The following OPCML variants were observed in gnomAD, a reference collection of about 807,000 sequenced individuals.
OPCML encodes the protein opioid binding protein/cell adhesion molecule like, also known as opioid-binding protein/cell adhesion molecule.
OPCML carries 13 observed loss-of-function variants against 37.8 expected under a neutral mutation model. The observed-to-expected ratio is 0.34, with a 90% CI of 0.22 to 0.55. OPCML has a LOEUF of 0.55. Among genes scored for constraint, OPCML ranks in the 20% least tolerant of loss-of-function variants. OPCML has a pLI of 0.91. For missense variants in OPCML, 341 were observed against 435.6 expected (o/e 0.78, Z 1.93); for synonymous variants, 176 against 168.8 (o/e 1.04, Z -0.33).
intron 1 of OPCML, among the ~76,000 whole-genome samples, chr11:133,485,212 C>T (rs1947501248): frequency 6.6e-6 from 1 of 152,064 alleles, no homozygotes; most frequent in Non-Finnish European, 1.5e-5. Context: ...AAGAAATATA[C>T]AAAAAGCAAT....
In OPCML at chr11:133,336,781, T is replaced by C. The variant is rs1943753722; in HGVS notation, c.61+195483A>G. 2.6e-5 allele frequency among the ~76,000 whole-genome samples: 4 copies of C among 152,326 alleles called. No individual in the cohort carries two copies. The South Asian group carries it at 6.2e-4, about 24-fold the overall frequency. ...TTTCCTTACTTCCTTACACCCCCAT[T>C]TGTTATGAAAAGAATGAGGACTTCT... On this transcript the variant is annotated intron_variant, in intron 1 of 7. Transcript: ENST00000524381.
At chr11:132,759,789 C>A (rs180909828) in intron 2 of OPCML, among the ~76,000 whole-genome samples, 68 of 152,184 alleles carry the variant, frequency 4.5e-4, no homozygotes, top group African/African-American at 1.4e-3. Flanking sequence ...TTTCGTGTCT[C>A]TATTTTCTTC....
At chr11:133,378,551 C>T (rs1198141797) in intron 1 of OPCML, among the ~76,000 whole-genome samples, 1 of 152,202 alleles carries the variant, frequency 6.6e-6, no homozygotes, top group East Asian at 1.9e-4. Context: ...TTTATTTTTA[C>T]TTCTACTGAC....
At chr11:133,111,212 C>T (rs114400576) in intron 1 of OPCML, among the ~76,000 whole-genome samples, 1 of 152,090 alleles carries the variant, frequency 6.6e-6, no homozygotes, top group Middle Eastern at 3.2e-3. Flanking sequence ...GTGCTATGAC[C>T]CCAGCAGAAT....
chr11:132,450,609 G>A (rs768707851), intron 4 of OPCML, among the ~76,000 whole-genome samples: 9 of 151,370 alleles, frequency 5.9e-5, no homozygotes, highest in African/African-American at 9.7e-5. Context: ...ATAGAATATC[G>A]TATCCTGAGA....
intron 2 of OPCML, among the ~76,000 whole-genome samples, chr11:132,934,640 T>C (rs1248497542): frequency 6.6e-6 from 1 of 152,216 alleles, no homozygotes; most frequent in Non-Finnish European, 1.5e-5. Flanking sequence ...GCTGTTTTTC[T>C]CACAGGTACA....
chr11:133,404,082 C>A (rs1945472301), intron 1 of OPCML, among the ~76,000 whole-genome samples: 1 of 152,204 alleles, frequency 6.6e-6, no homozygotes. Flanking sequence ...TGCTCTGCGG[C>A]TCTGCTCTGT....
chr11:132,881,310 A>C (rs1214890732), intron 2 of OPCML, among the ~76,000 whole-genome samples: 2 of 152,214 alleles, frequency 1.3e-5, no homozygotes, highest in African/African-American at 2.4e-5. Flanking sequence ...CCAGATACTT[A>C]TTGGAGCGCC....
At chr11:132,599,420 A>T (rs1000018767) in intron 3 of OPCML, among the ~76,000 whole-genome samples, 1 of 91,838 alleles carries the variant, frequency 1.1e-5, no homozygotes, top group Non-Finnish European at 2.4e-5. Flanking sequence ...AGGAAGAAGG[A>T]GGAAGAAGGT....
chr11:133,509,673 T>C (rs564642441), intron 1 of OPCML, among the ~76,000 whole-genome samples: 1 of 152,312 alleles, frequency 6.6e-6, no homozygotes, highest in Admixed American at 6.5e-5. Context: ...AAACACTAAG[T>C]TCCAGAGAGG....
chr11:132,540,069 A>C (rs947854507), intron 3 of OPCML, among the ~76,000 whole-genome samples: 5 of 152,202 alleles, frequency 3.3e-5, no homozygotes, highest in Non-Finnish European at 5.9e-5. Flanking sequence ...TGAGCAAGTG[A>C]AAATGAAACT....
At chr11:133,087,277 T>C (rs1785532901) in intron 1 of OPCML, among the ~76,000 whole-genome samples, 1 of 152,240 alleles carries the variant, frequency 6.6e-6, no homozygotes, top group Non-Finnish European at 1.5e-5. Context: ...AAGCATTTTC[T>C]TTCATTGTAT....
At chr11:133,135,574 T>C (rs1003669788) in intron 1 of OPCML, among the ~76,000 whole-genome samples, 1 of 151,926 alleles carries the variant, frequency 6.6e-6, no homozygotes, top group African/African-American at 2.4e-5. Flanking sequence ...CGACCAACAA[T>C]CTCCCATAGA....
intron 2 of OPCML, among the ~76,000 whole-genome samples, chr11:132,742,002 C>T (rs1188046750): frequency 6.6e-6 from 1 of 151,096 alleles, no homozygotes; most frequent in Non-Finnish European, 1.5e-5. Flanking sequence ...GTACTCCAGC[C>T]TGGGCAACAA....
chr11:133,051,101 G>T (rs528029777), intron 1 of OPCML, among the ~76,000 whole-genome samples: 1 of 150,930 alleles, frequency 6.6e-6, no homozygotes, highest in South Asian at 2.1e-4. Context: ...CAAAGCTTAT[G>T]CCCTCTGAAT....
chr11:133,328,165 T>A (rs976079483), intron 1 of OPCML, among the ~76,000 whole-genome samples: 1 of 151,316 alleles, frequency 6.6e-6, no homozygotes. Context: ...TAATTTTTTT[T>A]TTTTTTTTTT....
At chr11:132,519,681 C>T (rs1023063800) in intron 4 of OPCML, among the ~76,000 whole-genome samples, 1 of 152,108 alleles carries the variant, frequency 6.6e-6, no homozygotes, top group Non-Finnish European at 1.5e-5. Context: ...CATAAATTTG[C>T]TTTGCAAAAA....
intron 2 of OPCML, among the ~76,000 whole-genome samples, chr11:132,839,910 T>G (rs1941216331): frequency 6.6e-6 from 1 of 152,212 alleles, no homozygotes; most frequent in South Asian, 2.1e-4. Context: ...ACAGAGTGTC[T>G]TCCGTCCCAT....
chr11:132,658,947 T>A (rs537309209), intron 2 of OPCML, among the ~76,000 whole-genome samples: 1 of 152,178 alleles, frequency 6.6e-6, no homozygotes, highest in Non-Finnish European at 1.5e-5. Context: ...TGAAACTATT[T>A]TTTTTTATTT....
Sources: gnomAD v4.1 joint callset for allele counts (sites outside exome capture counted in the v4.1 genomes callset) on GRCh38, gnomAD v4.1.1 for gene constraint, MANE v1.5 for transcripts, NCBI Gene and HGNC (gene_info 2026-07-23, HGNC 2026-07-21) for gene names.